GSE1: variants seen among roughly 807,000 people sequenced by gnomAD.
GSE1 encodes Gse1 coiled-coil protein.
A neutral mutation model predicts 112.6 loss-of-function variants in GSE1; 32 were observed. The observed-to-expected ratio is 0.28, with a 90% confidence interval of 0.21 to 0.38. The LOEUF is 0.38. GSE1 is among the 10% of genes least tolerant of loss of function. GSE1 has a pLI of 1.00. For synonymous variants in GSE1, 1,115 were observed against 735.6 expected (o/e 1.52, Z -8.35); for missense variants, 2,348 against 1,699.2 (o/e 1.38, Z -6.71).
At chr16:85,497,145 C>A (rs891163941) in intron 2 of GSE1, among the ~76,000 whole-genome samples, 1 of 152,150 alleles carries the variant, frequency 6.6e-6, no homozygotes, top group Admixed American at 6.5e-5. Context: ...GTGATCCACC[C>A]GCCTCAGCCT....
At chr16:85,592,722 C>G (rs998291759) in intron 1 of GSE1, 1 of 152,410 alleles carries the variant, frequency 6.6e-6, no homozygotes, top group African/African-American at 2.4e-5. Context: ...GGCACAAATG[C>G]GTGACAGTTC....
chr16:85,189,772 A>G lies in GSE1; in HGVS notation c.2283+17965A>G, dbSNP rs939089418. Among the ~76,000 whole-genome samples, 4 of 152,156 alleles carry G rather than the reference A, an allele frequency of 2.6e-5. 1 individual carries two copies. Among genetic ancestry groups the G allele is most frequent in the Admixed American group, 1.3e-4 (2 of 15,272 alleles). On this transcript the variant is annotated intron_variant, in intron 1 of 2. Coordinates refer to the GSE1 transcript ENST00000637419. ...TTTATTGTTTTCAAAGAGCTTATTCATTTTGTCTAGGTAGTCAAATTAGTT... is the reference window on the plus strand; with the variant it reads ...TTTATTGTTTTCAAAGAGCTTATTCGTTTTGTCTAGGTAGTCAAATTAGTT...
At chr16:85,646,812 C>G (rs2050906315) in intron 2 of GSE1, among the ~76,000 whole-genome samples, 1 of 151,976 alleles carries the variant, frequency 6.6e-6, no homozygotes, top group Admixed American at 6.6e-5. Context: ...TTCTGGAACC[C>G]CAGGCCCAGG....
At chr16:85,265,567 T>A (rs1466121582) in intron 1 of GSE1, among the ~76,000 whole-genome samples, 1 of 152,150 alleles carries the variant, frequency 6.6e-6, no homozygotes, top group Non-Finnish European at 1.5e-5. Flanking sequence ...AAACTCCTCA[T>A]CTCGGGCATA....
intron 1 of GSE1, among the ~76,000 whole-genome samples, chr16:85,355,567 C>T (rs1030108535): frequency 6.6e-6 from 1 of 152,072 alleles, no homozygotes; most frequent in African/African-American, 2.4e-5. Flanking sequence ...GAGCAGGGAG[C>T]CTTTTAATGG....
At chr16:85,260,890 G>A (rs1907618767) in intron 1 of GSE1, among the ~76,000 whole-genome samples, 1 of 152,254 alleles carries the variant, frequency 6.6e-6, no homozygotes, top group South Asian at 2.1e-4. Flanking sequence ...CTCTGTGCCA[G>A]CATCCAGATG....
At position 85,225,221 on chromosome 16, in the gene GSE1, G is replaced by A. The variant is rs532802491; in HGVS notation, c.2283+53414G>A. On this transcript the variant is annotated intron_variant, in intron 1 of 2. Transcript: ENST00000637419. Reference sequence around the variant, plus strand: ...ATCACACACACACATACACAAAGCTGAAGACACAGTTGAGGTGTTGAGCAG... The same window carrying A: ...ATCACACACACACATACACAAAGCTAAAGACACAGTTGAGGTGTTGAGCAG... 1.0e-3 allele frequency among the ~76,000 whole-genome samples: 153 copies of A among 152,314 alleles called. 1 individual carries two copies. The highest frequency in any genetic ancestry group is 3.6e-3 in the African/African-American group (150 of 41,570).
chr16:85,417,194 T>C (rs2048722372), intron 2 of GSE1, among the ~76,000 whole-genome samples: 1 of 152,182 alleles, frequency 6.6e-6, no homozygotes, highest in East Asian at 1.9e-4. Flanking sequence ...GTGAGATAAT[T>C]TTGGGTGGTG....
chr16:85,571,783 G>A (rs2151331959), intron 1 of GSE1, among the ~76,000 whole-genome samples: 1 of 152,310 alleles, frequency 6.6e-6, no homozygotes, highest in African/African-American at 2.4e-5. Context: ...TCAGGCTGCA[G>A]AGGGTCCCTG....
intron 1 of GSE1, among the ~76,000 whole-genome samples, chr16:85,292,545 T>C (rs970838496): frequency 2.0e-5 from 3 of 152,190 alleles, no homozygotes; most frequent in Non-Finnish European, 2.9e-5. Flanking sequence ...GCCAGGATGG[T>C]CTCGATCTTG....
At chr16:85,332,998 C>A (rs1304088724) in intron 1 of GSE1, among the ~76,000 whole-genome samples, 2 of 152,114 alleles carry the variant, frequency 1.3e-5, no homozygotes, top group African/African-American at 4.8e-5. Context: ...CTTTCAGAGG[C>A]CACCAGAGAC....
At chr16:85,634,412 C>A (rs1055294789) in intron 2 of GSE1, among the ~76,000 whole-genome samples, 1 of 152,192 alleles carries the variant, frequency 6.6e-6, no homozygotes. Context: ...GTGCTCCTAC[C>A]AGCTCTGTGA....
At chr16:85,548,194 A>C (rs1234841908) in intron 2 of GSE1, among the ~76,000 whole-genome samples, 1 of 148,214 alleles carries the variant, frequency 6.7e-6, no homozygotes, top group East Asian at 2.0e-4. Context: ...GAGCCACAGC[A>C]CTCCAGCCTG....
intron 2 of GSE1, among the ~76,000 whole-genome samples, chr16:85,468,885 ATG>A (rs1319652315): frequency 1.3e-5 from 2 of 152,232 alleles, no homozygotes; most frequent in African/African-American, 4.8e-5. Flanking sequence ...GAACCTCAGA[ATG>A]TGAACTTATT....
chr16:85,654,480 G>A, intron 4 of GSE1, 30 bp downstream of exon 4: 1 of 1,542,314 alleles, frequency 6.5e-7, no homozygotes, highest in Non-Finnish European at 8.8e-7. Context: ...CTTCGGTGAG[G>A]TGGCCAGGTG....
chr16:85,603,477 G>T (rs764557608), intron 1 of GSE1, among the ~76,000 whole-genome samples: 21 of 152,204 alleles, frequency 1.4e-4, no homozygotes, highest in Admixed American at 3.3e-4. Flanking sequence ...CTCTCCCAGG[G>T]ACAGGCAGAG....
At chr16:85,521,720 G>T (rs2052192318) in intron 2 of GSE1, among the ~76,000 whole-genome samples, 1 of 152,264 alleles carries the variant, frequency 6.6e-6, no homozygotes, top group South Asian at 2.1e-4. Flanking sequence ...GCAGGAGTGT[G>T]TTGCTCTGTG....
At chr16:85,670,896 G>GT (rs2053274167) in intron 14 of GSE1, 99 bp from the exon 15 acceptor site, 1 of 750,256 alleles carries the variant, frequency 1.3e-6, no homozygotes, top group Admixed American at 2.0e-5. Flanking sequence ...CTGGAGAGAG[G>GT]TTTTGGGCTC....
chr16:85,253,481 C>A (rs1182428045), intron 1 of GSE1, among the ~76,000 whole-genome samples: 1 of 152,204 alleles, frequency 6.6e-6, no homozygotes, highest in Non-Finnish European at 1.5e-5. Flanking sequence ...ACCTGGGACC[C>A]CTTTGTTCCT....
Sources: allele counts gnomAD v4.1 joint callset (sites outside exome capture counted in the v4.1 genomes callset), GRCh38; gene constraint gnomAD v4.1.1; transcripts MANE v1.5; gene names NCBI Gene and HGNC (gene_info 2026-07-23, HGNC 2026-07-21).